MCTP2: variants seen among roughly 807,000 people sequenced by gnomAD.
MCTP2 encodes multiple C2 and transmembrane domain-containing protein 2.
Under a neutral mutation model 111.6 loss-of-function variants are expected in MCTP2, and 132 were observed. The observed-to-expected ratio is 1.18, with a 90% confidence interval of 1.03 to 1.37. MCTP2 has a LOEUF of 1.37. MCTP2 is among the 40% of genes most tolerant of loss of function. The pLI, the probability that MCTP2 is intolerant of heterozygous loss-of-function variation, is 0.00. For synonymous variants in MCTP2, 395 were observed against 387.7 expected, an observed-to-expected ratio of 1.02 and a Z score of -0.22; for missense variants, 1,183 against 1,067.9, an observed-to-expected ratio of 1.11 and a Z score of -1.50.
At position 94,370,180 on chromosome 15, in the gene MCTP2, G is replaced by C; in HGVS notation, c.1582G>C (p.Gly528Arg). The C allele has an allele frequency of 6.2e-7, 1 of 1,601,350 alleles. No individual in the cohort carries two copies. The highest frequency in any genetic ancestry group is 1.1e-5 in the South Asian group (1 of 88,636). Residue 528 changes from glycine (G) to arginine (R), a missense_variant and splice_region_variant, in exon 12 of 23, where the codon GGG (glycine) becomes CGG (arginine). Transcript: ENST00000357742. ...AADLLAADFS[G>R]KSDPFCLLEL... ...AGATCTCTTAGCGGCAGATTTCTCAGGTACAGGACATTTTCATTTTCTAAT... is the reference window on the plus strand; with the variant it reads ...AGATCTCTTAGCGGCAGATTTCTCACGTACAGGACATTTTCATTTTCTAAT...
At chr15:94,359,779 C>T (rs2152427661) in intron 10 of MCTP2, among the ~76,000 whole-genome samples, 1 of 152,268 alleles carries the variant, frequency 6.6e-6, no homozygotes, top group East Asian at 1.9e-4. Context: ...TGAGACCCAG[C>T]TAACCCAATA....
intron 12 of MCTP2, among the ~76,000 whole-genome samples, chr15:94,374,880 G>A (rs1038889189): frequency 6.6e-5 from 10 of 152,098 alleles, no homozygotes; most frequent in Non-Finnish European, 1.5e-4. Context: ...CGGTGGGGGA[G>A]GATATGAAGT....
intron 1 of MCTP2, among the ~76,000 whole-genome samples, chr15:94,244,724 A>AG (rs2071616392): frequency 2.0e-5 from 3 of 149,468 alleles, no homozygotes; most frequent in Non-Finnish European, 4.5e-5. Flanking sequence ...CTATGTTTAT[A>AG]TTCGTATATG....
intron 1 of MCTP2, among the ~76,000 whole-genome samples, chr15:94,254,723 A>G (rs896957487): frequency 7.9e-5 from 12 of 152,206 alleles, no homozygotes; most frequent in African/African-American, 2.9e-4. Context: ...TGAGTTGGAG[A>G]CATACTTGCT....
intron 12 of MCTP2, among the ~76,000 whole-genome samples, chr15:94,380,302 A>G (rs981570580): frequency 3.3e-5 from 5 of 152,130 alleles, no homozygotes; most frequent in African/African-American, 1.2e-4. Context: ...AAATGGAAAC[A>G]ACTCAGTTTG....
intron 10 of MCTP2, among the ~76,000 whole-genome samples, chr15:94,364,067 T>TAAA (rs11429762): frequency 1.4e-5 from 2 of 147,566 alleles, no homozygotes; most frequent in African/African-American, 2.5e-5. Flanking sequence ...AAATTTACAT[T>TAAA]AAAAAAAAAA....
Position 94,243,085 on chromosome 15 carries a change from A to G in MCTP2, c.-66+11421A>G, listed in dbSNP as rs752808655. On this transcript the variant is annotated intron_variant, in intron 1 of 22. Transcript: ENST00000357742. Reference sequence around the variant, plus strand: ...TACACGTGTATATGTGTATCTACACATATACGTGTATATGTGTATCTACGG... The same window carrying G: ...TACACGTGTATATGTGTATCTACACGTATACGTGTATATGTGTATCTACGG... Among the ~76,000 whole-genome samples, 56 of 41,450 alleles carry G rather than the reference A, an allele frequency of 1.4e-3. 11 individuals carry two copies. Among genetic ancestry groups the G allele is most frequent in the African/African-American group, 5.2e-3 (47 of 9,052 alleles). The allele number at this position is 41,450 out of a possible 152,430, so 27.2% of individuals were successfully genotyped here.
intron 17 of MCTP2, among the ~76,000 whole-genome samples, chr15:94,438,435 C>T (rs941936250): frequency 4.6e-5 from 7 of 152,014 alleles, no homozygotes; most frequent in African/African-American, 1.4e-4. Flanking sequence ...AGAACACGAG[C>T]GTCTATGCAA....
chr15:94,243,686 C>T (rs1256838935), intron 1 of MCTP2, among the ~76,000 whole-genome samples: 2 of 144,806 alleles, frequency 1.4e-5, no homozygotes, highest in East Asian at 4.2e-4. Context: ...TATATGTATA[C>T]ACATACATAT....
Position 94,327,473 on chromosome 15 carries a change from T to C in MCTP2, c.638-11817T>C, listed in dbSNP as rs75023204. Among the ~76,000 whole-genome samples the C allele has an allele frequency of 3.6e-4, 55 of 152,372 alleles. No homozygotes were observed. The East Asian group carries it at 9.2e-3, about 26-fold the overall frequency. On this transcript the variant is annotated intron_variant, in intron 4 of 22. Coordinates refer to ENST00000357742, the MANE Select transcript of MCTP2 (RefSeq NM_001385001.1). ...TCAGCTCCACACCAGAGTTTTATTG[T>C]ATTGAAAATTCAGTCCTTTTTATTT...
chr15:94,301,454 TGGTACA>T (rs956943193), intron 2 of MCTP2, among the ~76,000 whole-genome samples: 1 of 152,206 alleles, frequency 6.6e-6, no homozygotes, highest in African/African-American at 2.4e-5. Context: ...GTTTATCACA[TGGTACA>T]GAAGAGGGGC....
intron 1 of MCTP2, among the ~76,000 whole-genome samples, chr15:94,267,869 C>CTTTATTTTTTTTTTT (rs1555443740): frequency 1.3e-5 from 1 of 77,454 alleles, no homozygotes; most frequent in Non-Finnish European, 2.2e-5. Context: ...CCTTTTCTTT[C>CTTTATTTTTTTTTTT]TTTTTTTTTT....
At chr15:94,238,061 T>C (rs2070693161) in intron 1 of MCTP2, among the ~76,000 whole-genome samples, 1 of 152,126 alleles carries the variant, frequency 6.6e-6, no homozygotes, top group Non-Finnish European at 1.5e-5. Flanking sequence ...CTCTAAAATG[T>C]ATAAAATCAA....
At chr15:94,461,271 C>A (rs927264940) in intron 20 of MCTP2, among the ~76,000 whole-genome samples, 2 of 152,048 alleles carry the variant, frequency 1.3e-5, no homozygotes, top group Admixed American at 1.3e-4. Flanking sequence ...ACCAGCCTGG[C>A]CAACATGGTG....
At chr15:94,242,280 T>G (rs1246039935) in intron 1 of MCTP2, among the ~76,000 whole-genome samples, 2 of 152,182 alleles carry the variant, frequency 1.3e-5, no homozygotes, top group Non-Finnish European at 2.9e-5. Context: ...TTTTCTCATT[T>G]GTAAAATGGA....
chr15:94,254,701 T>A (rs2072654768), intron 1 of MCTP2, among the ~76,000 whole-genome samples: 1 of 152,226 alleles, frequency 6.6e-6, no homozygotes, highest in East Asian at 1.9e-4. Flanking sequence ...CATTTTATAT[T>A]CTGATAAATA....
intron 20 of MCTP2, 150 bp from the exon 21 acceptor site, chr15:94,470,183 A>G (rs553290415): frequency 1.8e-4 from 107 of 589,684 alleles, no homozygotes; most frequent in Non-Finnish European, 7.5e-5. Context: ...TCATTTTGGC[A>G]GACTCTCATC....
Position 94,443,342 on chromosome 15 carries a change from C to T in MCTP2, c.2250+382C>T, listed in dbSNP as rs149366207. Among the ~76,000 whole-genome samples, 411 of 152,272 alleles carry T rather than the reference C, an allele frequency of 2.7e-3. 3 individuals are homozygous for T. The highest frequency in any genetic ancestry group is 9.4e-3 in the African/African-American group (389 of 41,560). ...ACTCTGTGGGGTGGTCACCCACTTC[C>T]GCGCCTGTCATTTTCCCAGCTGTTC... On this transcript the variant is annotated intron_variant, in intron 19 of 22. Coordinates refer to ENST00000357742, the MANE Select transcript of MCTP2 (RefSeq NM_001385001.1).
intron 1 of MCTP2, among the ~76,000 whole-genome samples, chr15:94,247,866 C>A (rs139267782): frequency 6.6e-6 from 1 of 152,116 alleles, no homozygotes; most frequent in Non-Finnish European, 1.5e-5. Flanking sequence ...AAAACGAATC[C>A]TCTTCTGAAT....
Sources: allele counts gnomAD v4.1 joint callset (sites outside exome capture counted in the v4.1 genomes callset), GRCh38; gene constraint gnomAD v4.1.1; transcripts MANE v1.5; gene names NCBI Gene and HGNC (gene_info 2026-07-23, HGNC 2026-07-21).